Variants in CPEB1 observed in about 807,000 individuals in gnomAD.
CPEB1 encodes the protein cytoplasmic polyadenylation element binding protein 1, also known as cytoplasmic polyadenylation element-binding protein 1.
A neutral mutation model predicts 65.8 loss-of-function variants in CPEB1; 7 were observed. The observed-to-expected ratio is 0.11, with a 90% confidence interval of 0.06 to 0.20. CPEB1 has a LOEUF of 0.20. Among genes scored for constraint, CPEB1 ranks in the 10% least tolerant of loss-of-function variants. The probability of loss-of-function intolerance (pLI) is 1.00; values close to 1 mark genes in which losing one functional copy is unlikely to be tolerated. For synonymous variants in CPEB1, 262 were observed against 260.0 expected (o/e 1.01, Z -0.08); for missense variants, 551 against 712.2 (o/e 0.77, Z 2.58).
chr15:82,555,801 A>T, intron 6 of CPEB1, 69 bp downstream of exon 6: 1 of 1,542,516 alleles, frequency 6.5e-7, no homozygotes, highest in Non-Finnish European at 8.7e-7. Flanking sequence ...AAGTGTGTGA[A>T]CTAAGGTCAC....
intron 3 of CPEB1, among the ~76,000 whole-genome samples, chr15:82,614,630 G>GT (rs1444163656): frequency 6.6e-6 from 1 of 152,050 alleles, no homozygotes; most frequent in East Asian, 1.9e-4. Context: ...TAGGCACCCA[G>GT]TTTGAGAGAA....
At chr15:82,598,736 G>A (rs1199962592) in intron 3 of CPEB1, among the ~76,000 whole-genome samples, 1 of 152,130 alleles carries the variant, frequency 6.6e-6, no homozygotes, top group African/African-American at 2.4e-5. Flanking sequence ...AGTGACCCAA[G>A]ATCATGCCAC....
chr15:82,635,556 T>A (rs978062046), intron 1 of CPEB1, among the ~76,000 whole-genome samples: 2 of 152,190 alleles, frequency 1.3e-5, no homozygotes, highest in Non-Finnish European at 2.9e-5. Context: ...GTATTTTACC[T>A]TTTTCAACCA....
intron 4 of CPEB1, among the ~76,000 whole-genome samples, chr15:82,558,903 G>T (rs1244802165): frequency 1.3e-5 from 2 of 151,710 alleles, no homozygotes; most frequent in African/African-American, 2.4e-5. Context: ...AGAGGGCTTT[G>T]CCATGGAGCT....
At chr15:82,572,850 A>G (rs2040222398) in intron 3 of CPEB1, 2 of 571,570 alleles carry the variant, frequency 3.5e-6, no homozygotes, top group Non-Finnish European at 5.9e-6. Context: ...CAGCTCCAGC[A>G]ACAAAGACTA....
chr15:82,631,693 C>A (rs2151336591), intron 1 of CPEB1, among the ~76,000 whole-genome samples: 1 of 152,254 alleles, frequency 6.6e-6, no homozygotes, highest in Middle Eastern at 3.4e-3. Flanking sequence ...CCTATGGCAA[C>A]TATTTCTCTG....
At chr15:82,645,793 G>C (rs1357504858) in intron 1 of CPEB1, among the ~76,000 whole-genome samples, 2 of 152,016 alleles carry the variant, frequency 1.3e-5, no homozygotes, top group African/African-American at 4.8e-5. Flanking sequence ...GCTTGAACCC[G>C]GGAGGCGGAG....
At position 82,544,673 on chromosome 15, in the gene CPEB1, G is replaced by A. The variant is rs2034845207; in HGVS notation, c.1686C>T (p.Cys562=). 3 of 1,613,378 alleles carry A rather than the reference G, an allele frequency of 1.9e-6. No individual in the cohort carries two copies. In the South Asian group the frequency reaches 3.3e-5, roughly 18 times the overall value. The change falls in exon 13 of 13, where the codon TGC becomes TGT. Residue 562 remains cysteine, a synonymous_variant. Transcript: ENST00000684509. ...CCTCCATGCTGTGCCGCCAGTGCCA[G>A]CAGCTCCGGCAGAAGTATTTGAAGC... ...QVCFKYFCRS[C]WHWRHSMEGL...
intron 3 of CPEB1, among the ~76,000 whole-genome samples, chr15:82,604,166 T>G (rs868563531): frequency 6.6e-6 from 1 of 151,990 alleles, no homozygotes; most frequent in Non-Finnish European, 1.5e-5. Context: ...CTGGGCAACA[T>G]AGCAAGGCTC....
In CPEB1 at chr15:82,635,785, G is replaced by C. The variant is rs117292104; in HGVS notation, c.-97-7229C>G. Among the ~76,000 whole-genome samples the C allele has an allele frequency of 2.8e-3, 422 of 152,208 alleles. 2 individuals are homozygous for C. Among genetic ancestry groups the C allele is most frequent in the Middle Eastern group, 0.01 (3 of 294 alleles). On this transcript the variant is annotated intron_variant, in intron 1 of 12. Transcript: ENST00000684509. ...AGGAATAAAGTAGGGTATCTAAAAT[G>C]GTTTCACAACTCAGATGTTTTGGCT... is the stretch of plus-strand genomic sequence containing the variant.
intron 3 of CPEB1, among the ~76,000 whole-genome samples, chr15:82,616,561 C>T (rs1388047842): frequency 4.7e-5 from 6 of 127,698 alleles, no homozygotes; most frequent in African/African-American, 6.2e-5. Flanking sequence ...TTTTTTGAGA[C>T]GGAGTTTCGT....
intron 1 of CPEB1, among the ~76,000 whole-genome samples, chr15:82,635,342 G>C (rs2046572660): frequency 6.6e-6 from 1 of 152,186 alleles, no homozygotes. Context: ...CCTTATGGAA[G>C]AATGTAAGTC....
At chr15:82,647,603 C>A (rs1436476645), upstream of CPEB1, 1 of 327,078 alleles carries the variant, frequency 3.1e-6, no homozygotes, top group Non-Finnish European at 5.5e-6. Flanking sequence ...GGAGGCCCCA[C>A]CGGCCGCCCC....
intron 3 of CPEB1, among the ~76,000 whole-genome samples, chr15:82,605,563 ATATAAG>A (rs1478911275): frequency 6.6e-6 from 1 of 152,210 alleles, no homozygotes; most frequent in Non-Finnish European, 1.5e-5. Flanking sequence ...CACCACAAAA[ATATAAG>A]TATGTGAGGT....
At chr15:82,617,437 C>T (rs1013641472) in intron 3 of CPEB1, among the ~76,000 whole-genome samples, 1 of 151,986 alleles carries the variant, frequency 6.6e-6, no homozygotes, top group Non-Finnish European at 1.5e-5. Flanking sequence ...TCAACATAAT[C>T]GAAAATAAGG....
At chr15:82,555,590 C>T (rs2037054160) in intron 6 of CPEB1, among the ~76,000 whole-genome samples, 2 of 152,190 alleles carry the variant, frequency 1.3e-5, no homozygotes, top group Non-Finnish European at 2.9e-5. Flanking sequence ...AGCCAGTCTC[C>T]ACGGAACGGC....
At chr15:82,561,134 G>C (rs933498786) in intron 4 of CPEB1, among the ~76,000 whole-genome samples, 8 of 152,240 alleles carry the variant, frequency 5.3e-5, no homozygotes, top group African/African-American at 1.9e-4. Context: ...AAGATTAAGA[G>C]CTCTGAGGAT....
chr15:82,610,028 C>A (rs1174242824), intron 3 of CPEB1, among the ~76,000 whole-genome samples: 1 of 149,370 alleles, frequency 6.7e-6, no homozygotes, highest in African/African-American at 2.5e-5. Flanking sequence ...CCACTGCACT[C>A]CAGCCTAGGC....
intron 9 of CPEB1, among the ~76,000 whole-genome samples, chr15:82,551,723 G>T (rs1014190711): frequency 2.0e-5 from 3 of 152,080 alleles, no homozygotes; most frequent in Admixed American, 6.5e-5. Context: ...TTTTACCACC[G>T]CACTGATTCC....
Sources: allele counts gnomAD v4.1 joint callset (sites outside exome capture counted in the v4.1 genomes callset), GRCh38; gene constraint gnomAD v4.1.1; transcripts MANE v1.5; gene names NCBI Gene and HGNC (gene_info 2026-07-23, HGNC 2026-07-21).